The following PRKG1 variants were observed in gnomAD, a reference collection of about 807,000 sequenced individuals.
PRKG1 encodes the protein cGMP-dependent protein kinase 1.
PRKG1 carries 35 observed loss-of-function variants against 88.1 expected under a neutral mutation model. The observed-to-expected ratio is 0.40, with a 90% confidence interval of 0.30 to 0.53. The LOEUF (loss-of-function observed/expected upper bound fraction) is 0.53, where lower values mean the gene tolerates loss of function less well. Among genes scored for constraint, PRKG1 ranks in the 20% least tolerant of loss-of-function variants. The pLI, the probability that PRKG1 is intolerant of heterozygous loss-of-function variation, is 0.59. For synonymous variants in PRKG1, 303 were observed against 292.5 expected, an observed-to-expected ratio of 1.04 and a Z score of -0.37; for missense variants, 540 against 839.8, an observed-to-expected ratio of 0.64 and a Z score of 4.41.
At chr10:51,968,819 TCA>T (rs1491461527) in intron 5 of PRKG1, among the ~76,000 whole-genome samples, 1 of 52,898 alleles carries the variant, frequency 1.9e-5, no homozygotes, top group African/African-American at 8.5e-5. Flanking sequence ...CAAAACTCCA[TCA>T]AAAAAAAAAA....
chr10:51,984,118 G>A (rs1425643892), intron 5 of PRKG1, among the ~76,000 whole-genome samples: 1 of 152,170 alleles, frequency 6.6e-6, no homozygotes, highest in African/African-American at 2.4e-5. Context: ...ACTAGGCACA[G>A]AAGAGAAATG....
chr10:51,525,106 G>A (rs1282495281), intron 3 of PRKG1, among the ~76,000 whole-genome samples: 1 of 151,866 alleles, frequency 6.6e-6, no homozygotes, highest in East Asian at 1.9e-4. Context: ...AGAGAATGTG[G>A]TGCATGTGCA....
intron 1 of PRKG1, among the ~76,000 whole-genome samples, chr10:51,084,307 A>G (rs1207686879): frequency 6.6e-6 from 1 of 152,236 alleles, no homozygotes; most frequent in East Asian, 1.9e-4. Context: ...CTTAGCAGTT[A>G]GAAGCAGAAT....
chr10:51,638,895 C>A (rs143140759), intron 3 of PRKG1, among the ~76,000 whole-genome samples: 1 of 151,972 alleles, frequency 6.6e-6, no homozygotes, highest in South Asian at 2.1e-4. Flanking sequence ...AATGAAATAC[C>A]TTAAATGGCC....
At chr10:51,117,795 C>T (rs1268431709) in intron 1 of PRKG1, among the ~76,000 whole-genome samples, 1 of 152,180 alleles carries the variant, frequency 6.6e-6, no homozygotes, top group African/African-American at 2.4e-5. Flanking sequence ...TATGTAACAG[C>T]TCTCAACGGA....
chr10:52,173,207 GTGCT>G (rs1488418552), intron 9 of PRKG1, among the ~76,000 whole-genome samples: 1 of 152,148 alleles, frequency 6.6e-6, no homozygotes, highest in African/African-American at 2.4e-5. Flanking sequence ...TGCTGTTAAG[GTGCT>G]TGCTTTATTC....
chr10:51,594,766 C>A (rs1838400025), intron 3 of PRKG1, among the ~76,000 whole-genome samples: 1 of 152,178 alleles, frequency 6.6e-6, no homozygotes, highest in South Asian at 2.1e-4. Context: ...ACTGGAACCA[C>A]TCAGATGGCT....
At chr10:51,027,953 AT>A (rs1401759070) in intron 1 of PRKG1, among the ~76,000 whole-genome samples, 1 of 152,164 alleles carries the variant, frequency 6.6e-6, no homozygotes, top group African/African-American at 2.4e-5. Context: ...TATACAGCTG[AT>A]TTCTCTCTGG....
intron 2 of PRKG1, among the ~76,000 whole-genome samples, chr10:51,190,721 G>T (rs962367002): frequency 6.6e-6 from 1 of 151,776 alleles, no homozygotes; most frequent in African/African-American, 2.4e-5. Flanking sequence ...TTTATTCTGT[G>T]GAATCACAGA....
chr10:51,576,444 T>C (rs2132177105), intron 3 of PRKG1, among the ~76,000 whole-genome samples: 1 of 152,102 alleles, frequency 6.6e-6, no homozygotes, highest in African/African-American at 2.4e-5. Context: ...ATCTCAAAAA[T>C]AGCAGGGCCC....
intron 2 of PRKG1, among the ~76,000 whole-genome samples, chr10:51,167,842 G>A (rs186039250): frequency 5.3e-4 from 81 of 152,238 alleles, no homozygotes; most frequent in African/African-American, 1.9e-3. Flanking sequence ...TGTTCTGACG[G>A]TAGATATACA....
At chr10:51,582,322 T>C (rs1337469895) in intron 3 of PRKG1, among the ~76,000 whole-genome samples, 1 of 152,106 alleles carries the variant, frequency 6.6e-6, no homozygotes, top group African/African-American at 2.4e-5. Flanking sequence ...TCTTTTTATC[T>C]TTTTTTGTAA....
intron 1 of PRKG1, among the ~76,000 whole-genome samples, chr10:50,999,197 T>C (rs1842863153): frequency 6.6e-6 from 1 of 152,210 alleles, no homozygotes; most frequent in Non-Finnish European, 1.5e-5. Flanking sequence ...TACATATTGA[T>C]TTTATATATT....
At chr10:51,330,651 G>C (rs1255563677) in intron 2 of PRKG1, among the ~76,000 whole-genome samples, 1 of 151,358 alleles carries the variant, frequency 6.6e-6, no homozygotes, top group Non-Finnish European at 1.5e-5. Flanking sequence ...ATTTTGTATT[G>C]TTTTCTTCCA....
intron 2 of PRKG1, among the ~76,000 whole-genome samples, chr10:51,429,179 C>T (rs1371739516): frequency 6.6e-6 from 1 of 152,192 alleles, no homozygotes; most frequent in Admixed American, 6.5e-5. Flanking sequence ...TCTGGTCAAT[C>T]ACTGGTTGAC....
At chr10:51,075,100 G>C (rs1843914405) in intron 1 of PRKG1, among the ~76,000 whole-genome samples, 199 bp downstream of exon 1, 1 of 152,190 alleles carries the variant, frequency 6.6e-6, no homozygotes, top group Non-Finnish European at 1.5e-5. Context: ...CGTTGCCTTC[G>C]TGTCTTTGTC....
chr10:51,520,390 T>C (rs946933744), intron 3 of PRKG1, among the ~76,000 whole-genome samples: 42 of 150,718 alleles, frequency 2.8e-4, no homozygotes, highest in Non-Finnish European at 5.6e-4. Flanking sequence ...TAAAATAGAA[T>C]GAAGACTCTA....
chr10:51,098,275 C>A (rs994507547), intron 1 of PRKG1, among the ~76,000 whole-genome samples: 3 of 152,182 alleles, frequency 2.0e-5, no homozygotes, highest in Admixed American at 6.5e-5. Flanking sequence ...CTCATCTTCA[C>A]ATCTATCAAA....
chr10:52,291,413 AC>A (rs1842241862), intron 17 of PRKG1, among the ~76,000 whole-genome samples: 1 of 51,486 alleles, frequency 1.9e-5, no homozygotes, highest in Non-Finnish European at 3.4e-5. Flanking sequence ...CCCTCCCCCC[AC>A]CCCACAACAG....
Sources: gnomAD v4.1 joint callset for allele counts (sites outside exome capture counted in the v4.1 genomes callset) on GRCh38, gnomAD v4.1.1 for gene constraint, MANE v1.5 for transcripts, NCBI Gene and HGNC (gene_info 2026-07-23, HGNC 2026-07-21) for gene names.